Variants in SCFD2 observed in about 807,000 individuals in gnomAD.
The protein encoded by SCFD2 is sec1 family domain containing 2.
A neutral mutation model predicts 58.9 loss-of-function variants in SCFD2; 54 were observed. That is an observed-to-expected ratio of 0.92 (90% CI 0.74 to 1.15). The LOEUF (loss-of-function observed/expected upper bound fraction) is 1.15, where lower values mean the gene tolerates loss of function less well. Among genes scored for constraint, SCFD2 ranks in the 50% most tolerant of loss-of-function variants. SCFD2 has a pLI of 0.00. For synonymous variants in SCFD2, 321 were observed against 335.9 expected (o/e 0.96, Z 0.49); for missense variants, 805 against 836.6 (o/e 0.96, Z 0.47).
chr4:53,120,698 G>A (rs571423790), intron 5 of SCFD2, among the ~76,000 whole-genome samples: 2 of 152,136 alleles, frequency 1.3e-5, no homozygotes, highest in Admixed American at 1.3e-4. Context: ...GAACCCAAGA[G>A]GACATTTTGC....
At chr4:53,331,001 G>A (rs1733438690) in intron 2 of SCFD2, among the ~76,000 whole-genome samples, 1 of 151,274 alleles carries the variant, frequency 6.6e-6, no homozygotes, top group Non-Finnish European at 1.5e-5. Flanking sequence ...GACAAAGAAG[G>A]CCATTACATA....
chr4:53,034,418 C>T (rs2148820513), intron 5 of SCFD2, among the ~76,000 whole-genome samples: 1 of 152,220 alleles, frequency 6.6e-6, no homozygotes, highest in South Asian at 2.1e-4. Flanking sequence ...CAGCACAAAA[C>T]AAGGATGCCC....
intron 5 of SCFD2, among the ~76,000 whole-genome samples, chr4:53,033,951 T>G (rs1722689768): frequency 6.6e-6 from 1 of 152,190 alleles, no homozygotes; most frequent in Non-Finnish European, 1.5e-5. Context: ...GAATCCTCCC[T>G]AACTCATTTT....
intron 7 of SCFD2, among the ~76,000 whole-genome samples, chr4:52,886,206 T>G (rs1718736970): frequency 6.6e-6 from 1 of 152,186 alleles, no homozygotes; most frequent in South Asian, 2.1e-4. Flanking sequence ...CTTTGAGCGG[T>G]GACTTTGTTT....
intron 7 of SCFD2, among the ~76,000 whole-genome samples, chr4:52,901,633 C>A (rs1036867090): frequency 9.2e-5 from 14 of 152,136 alleles, no homozygotes; most frequent in Admixed American, 9.2e-4. Context: ...GAGCTCTAAC[C>A]AGAGTGCAGA....
intron 4 of SCFD2, among the ~76,000 whole-genome samples, chr4:53,215,657 T>C (rs558665511): frequency 1.2e-4 from 18 of 152,202 alleles, no homozygotes; most frequent in African/African-American, 4.3e-4. Flanking sequence ...TGCCTGATTG[T>C]CCTAGCCAGA....
At chr4:53,276,651 T>A (rs1436759487) in intron 3 of SCFD2, among the ~76,000 whole-genome samples, 1 of 152,096 alleles carries the variant, frequency 6.6e-6, no homozygotes, top group Non-Finnish European at 1.5e-5. Context: ...ATATCAGCTG[T>A]TCCCCTCTTA....
At chr4:53,195,492 G>C (rs918643286) in intron 4 of SCFD2, among the ~76,000 whole-genome samples, 1 of 152,110 alleles carries the variant, frequency 6.6e-6, no homozygotes, top group Non-Finnish European at 1.5e-5. Context: ...GGCTCACTGA[G>C]ATATTAACCC....
chr4:53,203,635 G>A (rs112241697), intron 4 of SCFD2, among the ~76,000 whole-genome samples: 19 of 152,098 alleles, frequency 1.2e-4, no homozygotes, highest in African/African-American at 4.6e-4. Context: ...CAATGAATAA[G>A]GTTAAAGGAC....
intron 5 of SCFD2, among the ~76,000 whole-genome samples, chr4:53,070,522 T>C (rs1405523281): frequency 6.6e-6 from 1 of 152,104 alleles, no homozygotes; most frequent in Non-Finnish European, 1.5e-5. Context: ...ATTTAAGTAA[T>C]AGATCATAAG....
chr4:53,266,091 C>T (rs1192287251), intron 4 of SCFD2, among the ~76,000 whole-genome samples: 5 of 152,072 alleles, frequency 3.3e-5, no homozygotes, highest in African/African-American at 1.2e-4. Context: ...AAACATCAGC[C>T]ATCCATTGCA....
chr4:53,143,035 T>C (rs1455098721), intron 5 of SCFD2, among the ~76,000 whole-genome samples: 2 of 152,230 alleles, frequency 1.3e-5, no homozygotes, highest in African/African-American at 2.4e-5. Flanking sequence ...CTTTAATTTC[T>C]GAGTATACAA....
chr4:53,237,944 C>T (rs1467957286), intron 4 of SCFD2, among the ~76,000 whole-genome samples: 3 of 121,854 alleles, frequency 2.5e-5, no homozygotes, highest in Non-Finnish European at 3.5e-5. Context: ...GGCGGCTGGC[C>T]GGGCGAGGGG....
chr4:52,897,202 G>C (rs894440914), intron 7 of SCFD2, among the ~76,000 whole-genome samples: 1 of 152,192 alleles, frequency 6.6e-6, no homozygotes, highest in African/African-American at 2.4e-5. Flanking sequence ...TGTTGAACAG[G>C]AGTGGTGAGA....
intron 4 of SCFD2, among the ~76,000 whole-genome samples, chr4:53,230,668 G>A (rs933620104): frequency 1.3e-5 from 2 of 151,602 alleles, no homozygotes; most frequent in African/African-American, 2.4e-5. Context: ...TATACCTAAT[G>A]CTAAATGACG....
chr4:53,155,739 T>A (rs1458549700), intron 4 of SCFD2, among the ~76,000 whole-genome samples: 2 of 152,182 alleles, frequency 1.3e-5, no homozygotes. Flanking sequence ...ACTAGTCAGT[T>A]CAAAATCATG....
rs560168810 is a variant in SCFD2 at position 53,283,808 on chromosome 4, C to T, written c.1136-9807G>A. On this transcript the variant is annotated intron_variant, in intron 3 of 8. Transcript: ENST00000401642. ...TCCAGTTACATTTGCTTTACCGTAA[C>T]GTAACATAATTTTAAAATATGCATG... is the stretch of plus-strand genomic sequence containing the variant. Among the ~76,000 whole-genome samples the T allele has an allele frequency of 2.3e-3, 353 of 151,964 alleles. 5 individuals are homozygous for T. Among genetic ancestry groups the T allele is most frequent in the Middle Eastern group, 3.4e-3 (1 of 294 alleles).
At position 53,042,928 on chromosome 4, in the gene SCFD2, G is replaced by C. The variant is rs377693388; in HGVS notation, c.1561+102405C>G. Among the ~76,000 whole-genome samples the C allele has an allele frequency of 6.6e-5, 10 of 152,122 alleles. No homozygotes were observed. In the South Asian group the frequency reaches 1.0e-3, roughly 16 times the overall value. On this transcript the variant is annotated intron_variant, in intron 5 of 8. Transcript: ENST00000401642. ...TGAATCTTCACAGCCGGAGGTATTA[G>C]GACTTACTCTACTTATTCTGTTTTT...
chr4:53,156,662 C>T (rs918644088), intron 4 of SCFD2, among the ~76,000 whole-genome samples: 4 of 152,198 alleles, frequency 2.6e-5, no homozygotes, highest in East Asian at 1.9e-4. Context: ...TGAGCCACTG[C>T]GCTCCAGCTT....
Sources: allele counts gnomAD v4.1 joint callset (sites outside exome capture counted in the v4.1 genomes callset), GRCh38; gene constraint gnomAD v4.1.1; transcripts MANE v1.5; gene names NCBI Gene and HGNC (gene_info 2026-07-23, HGNC 2026-07-21).